Variants in CSMD1 observed in about 807,000 individuals in gnomAD.
CSMD1 encodes the protein CUB and Sushi multiple domains 1.
A neutral mutation model predicts 417.5 loss-of-function variants in CSMD1; 213 were observed. The observed-to-expected ratio is 0.51, with a 90% CI of 0.46 to 0.57. The LOEUF (loss-of-function observed/expected upper bound fraction) is 0.57. Among genes scored for constraint, CSMD1 ranks in the 20% least tolerant of loss-of-function variants. The pLI is 0.00. For synonymous variants in CSMD1, 2,862 were observed against 1,736.8 expected, an observed-to-expected ratio of 1.65 and a Z score of -16.11; for missense variants, 6,923 against 4,529.7, an observed-to-expected ratio of 1.53 and a Z score of -15.17.
At chr8:3,482,852 AAGTT>A (rs1817824350) in intron 11 of CSMD1, among the ~76,000 whole-genome samples, 1 of 152,208 alleles carries the variant, frequency 6.6e-6, no homozygotes, top group Non-Finnish European at 1.5e-5. Context: ...AAACATATGG[AAGTT>A]AAATAACACA....
rs147045749 is a variant in CSMD1, at chr8:4,713,505, G to A, written c.86-75947C>T. ...CCATCTCCGCCTCCCGGGTTCCAGT[G>A]ATTTTCCTGCCTCAGCCTCCCGGGT... On this transcript the variant is annotated intron_variant, in intron 1 of 69. Transcript: ENST00000635120. Among the ~76,000 whole-genome samples, 426 of 152,274 alleles carry A rather than the reference G, an allele frequency of 2.8e-3. 3 individuals are homozygous for A. The highest frequency in any genetic ancestry group is 9.8e-3 in the African/African-American group (409 of 41,556).
chr8:4,267,087 AATGTT>A lies in CSMD1; in HGVS notation c.415+152861_415+152865del, dbSNP rs1804270713. Among the ~76,000 whole-genome samples, 2 of 103,930 alleles carry A rather than the reference AATGTT, an allele frequency of 1.9e-5. 1 individual carries two copies. The highest frequency in any genetic ancestry group is 5.2e-5 in the Non-Finnish European group (2 of 38,660). The allele number at this position is 103,930 out of a possible 152,430, so 68.2% of individuals were successfully genotyped here. ...CAAGAATAGAGTGTCTGTTTACTTC[AATGTT>A]ATTTTTTTTTGAAAGTGCTTTCTAA... On this transcript the variant is annotated intron_variant, in intron 3 of 69. Coordinates refer to ENST00000635120, the MANE Select transcript of CSMD1 (RefSeq NM_033225.6).
intron 11 of CSMD1, among the ~76,000 whole-genome samples, chr8:3,476,498 T>C (rs186410901): frequency 1.9e-4 from 29 of 152,310 alleles, no homozygotes; most frequent in African/African-American, 6.5e-4. Flanking sequence ...TTTACTATCA[T>C]ATGAAACTAC....
chr8:4,940,181 C>T (rs1807899299), intron 1 of CSMD1, among the ~76,000 whole-genome samples: 1 of 152,138 alleles, frequency 6.6e-6, no homozygotes, highest in Non-Finnish European at 1.5e-5. Context: ...ATTGACTGAC[C>T]TATTTCCTCT....
chr8:3,863,660 C>T (rs1804884674), intron 5 of CSMD1, among the ~76,000 whole-genome samples: 1 of 152,164 alleles, frequency 6.6e-6, no homozygotes. Flanking sequence ...TATTCTAACA[C>T]ACACACACAC....
intron 3 of CSMD1, among the ~76,000 whole-genome samples, chr8:4,320,874 A>C (rs115520537): frequency 6.6e-5 from 10 of 152,078 alleles, no homozygotes; most frequent in Non-Finnish European, 1.5e-4. Flanking sequence ...TAAAGACACA[A>C]ACACACTTAT....
chr8:3,864,751 A>G (rs1437966868), intron 5 of CSMD1, among the ~76,000 whole-genome samples: 1 of 152,100 alleles, frequency 6.6e-6, no homozygotes, highest in Non-Finnish European at 1.5e-5. Flanking sequence ...TAGTAAATTA[A>G]ACTATAGGCA....
At chr8:4,088,968 C>A (rs547450820) in intron 3 of CSMD1, among the ~76,000 whole-genome samples, 1 of 152,144 alleles carries the variant, frequency 6.6e-6, no homozygotes, top group African/African-American at 2.4e-5. Flanking sequence ...GGGTCACACA[C>A]CCCTGTTCTG....
At chr8:3,622,740 T>C (rs1472515811) in intron 7 of CSMD1, among the ~76,000 whole-genome samples, 1 of 152,062 alleles carries the variant, frequency 6.6e-6, no homozygotes, top group Non-Finnish European at 1.5e-5. Flanking sequence ...AAAAGTATGC[T>C]GACACACTGT....
chr8:3,941,156 T>A (rs1004335071), intron 5 of CSMD1, among the ~76,000 whole-genome samples: 1 of 152,044 alleles, frequency 6.6e-6, no homozygotes, highest in Non-Finnish European at 1.5e-5. Context: ...TAAAAGCACA[T>A]TTCAAAATAA....
intron 5 of CSMD1, among the ~76,000 whole-genome samples, chr8:3,897,715 A>G (rs1193805979): frequency 6.6e-6 from 1 of 152,204 alleles, no homozygotes; most frequent in African/African-American, 2.4e-5. Context: ...CCCGTGAGGA[A>G]GCCCTATTAA....
At chr8:4,981,116 G>A (rs183753514) in intron 1 of CSMD1, among the ~76,000 whole-genome samples, 46 of 152,298 alleles carry the variant, frequency 3.0e-4, no homozygotes, top group African/African-American at 1.1e-3. Context: ...CAAGTAGCCT[G>A]CCTTTTCTGT....
chr8:3,285,646 G>A (rs1468362530), intron 25 of CSMD1, among the ~76,000 whole-genome samples: 1 of 151,920 alleles, frequency 6.6e-6, no homozygotes, highest in African/African-American at 2.4e-5. Context: ...TGATCCACCT[G>A]CCTCGGCCTC....
chr8:4,637,419 A>G lies in CSMD1; in HGVS notation c.225T>C (p.His75=), dbSNP rs771395459. ...CAAAATCTTCTTCAAGAGCAAAGGT[A>G]TGGAAGGACAACTGTATCCTATTGC... is the stretch of plus-strand genomic sequence containing the variant. ...GERNRIQLSF[H]TFALEEDFDI... Residue 75 remains histidine (H), a synonymous_variant, in exon 2 of 70, where the codon CAT becomes CAC. Transcript: ENST00000635120. The G allele has an allele frequency of 5.0e-6, 8 of 1,613,924 alleles. No homozygotes were observed. The highest frequency in any genetic ancestry group is 4.5e-5 in the East Asian group (2 of 44,852).
intron 2 of CSMD1, among the ~76,000 whole-genome samples, chr8:4,614,104 C>A (rs972949228): frequency 6.6e-6 from 1 of 151,928 alleles, no homozygotes; most frequent in Non-Finnish European, 1.5e-5. Context: ...AATGTGAGAA[C>A]GGACAGAGAT....
intron 2 of CSMD1, among the ~76,000 whole-genome samples, chr8:4,619,991 A>C (rs942364323): frequency 6.6e-6 from 1 of 152,056 alleles, no homozygotes; most frequent in Admixed American, 6.6e-5. Flanking sequence ...CATAATTACA[A>C]ATATGTTCTT....
chr8:4,061,831 G>A (rs926003495), intron 3 of CSMD1, among the ~76,000 whole-genome samples: 2 of 152,160 alleles, frequency 1.3e-5, no homozygotes, highest in African/African-American at 4.8e-5. Flanking sequence ...CACTTTAGAA[G>A]AAATATACAC....
At chr8:3,749,547 A>T (rs558422935) in intron 6 of CSMD1, among the ~76,000 whole-genome samples, 1 of 152,342 alleles carries the variant, frequency 6.6e-6, no homozygotes, top group South Asian at 2.1e-4. Flanking sequence ...AGTAGAAAGA[A>T]TATTTTATGT....
chr8:3,110,301 G>A lies in CSMD1; in HGVS notation c.6465C>T (p.Gly2155=), dbSNP rs773584051. ...CAGGAAAGCCAGGGGAGTAGATGGT[G>A]CCGTTCTGAGAAGTTACGTTGTACC... ...PCGYNVTSQN[G]TIYSPGFPDE... The change falls in exon 43 of 70, where the codon GGC becomes GGT. Residue 2155 remains glycine, a synonymous_variant. Transcript: ENST00000635120. The A allele has an allele frequency of 1.2e-6, 2 of 1,613,016 alleles. No homozygotes were observed. The highest frequency in any genetic ancestry group is 1.1e-5 in the South Asian group (1 of 90,738).
Sources: allele counts gnomAD v4.1 joint callset (sites outside exome capture counted in the v4.1 genomes callset), GRCh38; gene constraint gnomAD v4.1.1; transcripts MANE v1.5; gene names NCBI Gene and HGNC (gene_info 2026-07-23, HGNC 2026-07-21).